The following PTPRN2 variants were observed in gnomAD, a reference collection of about 807,000 sequenced individuals.
PTPRN2 encodes the protein protein tyrosine phosphatase receptor type N2.
Under a neutral mutation model 118.8 loss-of-function variants are expected in PTPRN2, and 74 were observed. The ratio of observed to expected loss-of-function variants is 0.62; its 90% CI spans 0.52 to 0.76. The LOEUF is 0.76. Among genes scored for constraint, PTPRN2 ranks in the 30% least tolerant of loss-of-function variants. The pLI is 0.00. For synonymous variants in PTPRN2, 641 were observed against 608.0 expected, an observed-to-expected ratio of 1.05 and a Z score of -0.80; for missense variants, 1,481 against 1,394.4, an observed-to-expected ratio of 1.06 and a Z score of -0.99.
At chr7:157,902,053 C>T (rs1563222928) in intron 11 of PTPRN2, among the ~76,000 whole-genome samples, 1 of 152,182 alleles carries the variant, frequency 6.6e-6, no homozygotes, top group Non-Finnish European at 1.5e-5. Context: ...GAAGTGGGGT[C>T]GCAGCACGGG....
rs921038743 is a variant in PTPRN2, at chr7:157,784,350, G to A, written c.1789-101413C>T. ...TAGGGGGGCGGTTCAGCAGCCCCTC[G>A]AACCTTCACCCGGGGCTCGTTTGCT... On this transcript the variant is annotated intron_variant, in intron 12 of 22. Transcript: ENST00000389418. The surrounding 1 kb of genome is among the most constrained non-coding windows in gnomAD (Gnocchi z 4.6). Among the ~76,000 whole-genome samples, 1 of 152,088 alleles carries A rather than the reference G, an allele frequency of 6.6e-6. No homozygotes were observed. The highest frequency in any genetic ancestry group is 2.4e-5 in the African/African-American group (1 of 41,428).
At chr7:158,466,007 G>T (rs1174065428) in intron 2 of PTPRN2, among the ~76,000 whole-genome samples, 1 of 152,210 alleles carries the variant, frequency 6.6e-6, no homozygotes, top group Non-Finnish European at 1.5e-5. Context: ...CATCCATGCA[G>T]TAATAAAATG....
At chr7:158,051,089 G>C (rs1459854457) in intron 11 of PTPRN2, among the ~76,000 whole-genome samples, 1 of 152,368 alleles carries the variant, frequency 6.6e-6, no homozygotes, top group East Asian at 1.9e-4. Context: ...AGAAGCCACA[G>C]ATGCTAGCAG....
At chr7:157,648,565 C>T (rs1380654118) in intron 14 of PTPRN2, among the ~76,000 whole-genome samples, 2 of 123,908 alleles carry the variant, frequency 1.6e-5, no homozygotes, top group East Asian at 4.1e-4. Context: ...CTCGGTGGGT[C>T]AGACCCATCC....
chr7:158,240,998 AGGCAGCCCCGTG>A (rs1270148751), intron 3 of PTPRN2, among the ~76,000 whole-genome samples: 1 of 152,178 alleles, frequency 6.6e-6, no homozygotes, highest in Non-Finnish European at 1.5e-5. Flanking sequence ...AGATGCCCCA[AGGCAGCCCCGTG>A]GGCAGGTGCC....
At chr7:158,108,251 A>G (rs1359981146) in intron 10 of PTPRN2, among the ~76,000 whole-genome samples, 2 of 145,562 alleles carry the variant, frequency 1.4e-5, no homozygotes, top group African/African-American at 5.2e-5. Flanking sequence ...TAGCCCCACA[A>G]ATAGCCCCCC....
At chr7:157,973,915 G>A (rs1028453529) in intron 11 of PTPRN2, among the ~76,000 whole-genome samples, 1 of 152,186 alleles carries the variant, frequency 6.6e-6, no homozygotes, top group Non-Finnish European at 1.5e-5. Context: ...TCCTCCTTCT[G>A]TTGGGGGGAC....
At chr7:158,147,341 C>A (rs1489401254) in intron 6 of PTPRN2, among the ~76,000 whole-genome samples, 1 of 103,652 alleles carries the variant, frequency 9.6e-6, no homozygotes, top group African/African-American at 5.2e-5. Flanking sequence ...TCACCGACAC[C>A]CCATCTCACG....
intron 1 of PTPRN2, among the ~76,000 whole-genome samples, chr7:158,585,792 T>C (rs1828872681): frequency 6.6e-6 from 1 of 152,208 alleles, no homozygotes; most frequent in African/African-American, 2.4e-5. Flanking sequence ...ATGACCTACC[T>C]TCCCTGGGAC....
Position 157,818,804 on chromosome 7 carries a change from G to A in PTPRN2, c.1788+79869C>T, listed in dbSNP as rs922083628. Reference sequence around the variant, plus strand: ...TGTGATTAATTAATTCATTAATTACGTGTGGAGAACCTCCTGGGTGCCAGG... The same window carrying A: ...TGTGATTAATTAATTCATTAATTACATGTGGAGAACCTCCTGGGTGCCAGG... On this transcript the variant is annotated intron_variant, in intron 12 of 22. Coordinates refer to ENST00000389418, the MANE Select transcript of PTPRN2 (RefSeq NM_002847.5). Among the ~76,000 whole-genome samples the A allele has an allele frequency of 3.3e-5, 5 of 152,164 alleles. No homozygotes were observed. In the South Asian group the frequency reaches 6.2e-4, roughly 19 times the overall value.
chr7:158,340,632 T>C (rs550247616), intron 2 of PTPRN2, among the ~76,000 whole-genome samples: 13 of 104,538 alleles, frequency 1.2e-4, no homozygotes, highest in African/African-American at 4.3e-4. Flanking sequence ...ACACTCACAC[T>C]CTAGCCATAA....
intron 3 of PTPRN2, among the ~76,000 whole-genome samples, chr7:158,220,025 T>C (rs765786106): frequency 1.3e-5 from 2 of 152,082 alleles, no homozygotes; most frequent in African/African-American, 2.4e-5. Flanking sequence ...TAAATCATTC[T>C]ATGACACTAA....
rs564531770 is a variant in PTPRN2, at chr7:157,914,782, T to C, written c.1724-16045A>G. 6.6e-5 allele frequency among the ~76,000 whole-genome samples: 10 copies of C among 152,290 alleles called. No individual in the cohort carries two copies. The East Asian group carries it at 9.7e-4, about 15-fold the overall frequency. Reference sequence around the variant, plus strand: ...TCCTCCTACTCTACTGCAAGACTTATGCATTGTAGGTAAGATTCTCCTACT... The same window carrying C: ...TCCTCCTACTCTACTGCAAGACTTACGCATTGTAGGTAAGATTCTCCTACT... On this transcript the variant is annotated intron_variant, in intron 11 of 22. Coordinates refer to ENST00000389418, the MANE Select transcript of PTPRN2 (RefSeq NM_002847.5).
chr7:158,298,174 G>A (rs760388716), intron 3 of PTPRN2, among the ~76,000 whole-genome samples: 1 of 152,160 alleles, frequency 6.6e-6, no homozygotes, highest in Non-Finnish European at 1.5e-5. Flanking sequence ...TATTTCTGCT[G>A]TTTGTGTTCT....
In PTPRN2 at chr7:158,526,850, A is replaced by T. The variant is rs1440986613; in HGVS notation, c.113-37065T>A. Among the ~76,000 whole-genome samples the T allele has an allele frequency of 6.6e-6, 1 of 152,110 alleles. No individual in the cohort carries two copies. Among genetic ancestry groups the T allele is most frequent in the Non-Finnish European group, 1.5e-5 (1 of 68,012 alleles). ...CTCTCATCTTGGACTTTCGGCCTCC[A>T]GGACTCAGAAATGTCTGTTGTTTGC... On this transcript the variant is annotated intron_variant, in intron 1 of 22. Coordinates refer to ENST00000389418, the MANE Select transcript of PTPRN2 (RefSeq NM_002847.5). The surrounding 1 kb of genome is among the most constrained non-coding windows in gnomAD (Gnocchi z 5.2).
chr7:158,164,136 C>A (rs914442538), intron 6 of PTPRN2, among the ~76,000 whole-genome samples: 6 of 152,196 alleles, frequency 3.9e-5, no homozygotes, highest in Non-Finnish European at 7.3e-5. Flanking sequence ...AAGATCCACA[C>A]CCTGGGGTGT....
intron 3 of PTPRN2, among the ~76,000 whole-genome samples, chr7:158,270,787 C>T (rs1248674621): frequency 1.0e-5 from 1 of 97,398 alleles, no homozygotes; most frequent in Non-Finnish European, 2.1e-5. Flanking sequence ...TGGACCACCC[C>T]TCCACCTGGA....
At chr7:157,612,116 C>T (rs1802387622) in intron 15 of PTPRN2, among the ~76,000 whole-genome samples, 1 of 152,210 alleles carries the variant, frequency 6.6e-6, no homozygotes, top group African/African-American at 2.4e-5. Context: ...CTGGGTTTGG[C>T]TTCCCATGCC....
intron 12 of PTPRN2, among the ~76,000 whole-genome samples, chr7:157,770,519 T>G (rs955310443): frequency 2.6e-5 from 4 of 152,248 alleles, no homozygotes; most frequent in Non-Finnish European, 5.9e-5. Context: ...TAATTTCTTT[T>G]CATTTTCATT....
Sources: allele counts gnomAD v4.1 joint callset (sites outside exome capture counted in the v4.1 genomes callset), GRCh38; gene constraint gnomAD v4.1.1; non-coding constraint Gnocchi (gnomAD v3.1); transcripts MANE v1.5; gene names NCBI Gene and HGNC (gene_info 2026-07-23, HGNC 2026-07-21).